IGF2BP2: variants seen among roughly 807,000 people sequenced by gnomAD.
The protein encoded by IGF2BP2 is insulin like growth factor 2 mRNA binding protein 2, also known as insulin-like growth factor 2 mRNA-binding protein 2.
Under a neutral mutation model 75.8 loss-of-function variants are expected in IGF2BP2, and 17 were observed. That is an observed-to-expected ratio of 0.22 (90% CI 0.15 to 0.34). IGF2BP2 has a LOEUF of 0.34. IGF2BP2 is among the 10% of genes least tolerant of loss of function. IGF2BP2 has a pLI of 1.00. For missense variants in IGF2BP2, 516 were observed against 772.4 expected (o/e 0.67, Z 3.93); for synonymous variants, 288 against 295.6 (o/e 0.97, Z 0.26).
chr3:185,806,276 CAA>C (rs942154951), intron 2 of IGF2BP2, among the ~76,000 whole-genome samples: 2 of 152,072 alleles, frequency 1.3e-5, no homozygotes, highest in African/African-American at 4.8e-5. Flanking sequence ...TAAGAGCACA[CAA>C]AAGAGGTGGG....
chr3:185,698,704 C>A (rs887599381), intron 2 of IGF2BP2, among the ~76,000 whole-genome samples: 6 of 152,156 alleles, frequency 3.9e-5, no homozygotes, highest in African/African-American at 1.4e-4. Context: ...TCTTGGCTCA[C>A]TGCAACCTCT....
intron 2 of IGF2BP2, among the ~76,000 whole-genome samples, chr3:185,788,072 G>C (rs1736131588): frequency 6.6e-6 from 1 of 152,164 alleles, no homozygotes; most frequent in African/African-American, 2.4e-5. Context: ...TTTCATCAAA[G>C]TACCCTCTGT....
intron 2 of IGF2BP2, among the ~76,000 whole-genome samples, chr3:185,763,476 T>G (rs977445901): frequency 1.3e-5 from 2 of 152,206 alleles, no homozygotes; most frequent in Non-Finnish European, 2.9e-5. Context: ...TGTTTGTTAC[T>G]ATGGTTTGTG....
chr3:185,805,170 T>C (rs756692997), intron 2 of IGF2BP2, among the ~76,000 whole-genome samples: 4 of 152,054 alleles, frequency 2.6e-5, no homozygotes, highest in Non-Finnish European at 5.9e-5. Context: ...GAAGTATTTC[T>C]GAAAATCCAG....
intron 2 of IGF2BP2, among the ~76,000 whole-genome samples, chr3:185,815,769 C>T (rs536948738): frequency 2.4e-4 from 37 of 152,058 alleles, no homozygotes; most frequent in Non-Finnish European, 4.9e-4. Flanking sequence ...TCCCTCCCAC[C>T]AGCACCATAA....
At chr3:185,726,326 A>G (rs548951751) in intron 2 of IGF2BP2, among the ~76,000 whole-genome samples, 1 of 152,314 alleles carries the variant, frequency 6.6e-6, no homozygotes, top group South Asian at 2.1e-4. Flanking sequence ...AACAAGACAC[A>G]CAAACTGGGG....
chr3:185,780,244 G>A (rs1363050301), intron 2 of IGF2BP2, among the ~76,000 whole-genome samples: 1 of 152,210 alleles, frequency 6.6e-6, no homozygotes, highest in Non-Finnish European at 1.5e-5. Context: ...AGGAAATAGT[G>A]GTTACAACTG....
intron 6 of IGF2BP2, 29 bp downstream of exon 6, chr3:185,689,326 G>A: frequency 6.2e-7 from 1 of 1,603,838 alleles, no homozygotes; most frequent in South Asian, 1.1e-5. Context: ...CCCTCAGAAG[G>A]AAGCAAAGGA....
At chr3:185,822,077 C>T (rs1741443843) in intron 2 of IGF2BP2, among the ~76,000 whole-genome samples, 1 of 151,964 alleles carries the variant, frequency 6.6e-6, no homozygotes, top group Non-Finnish European at 1.5e-5. Context: ...TATTCTGTTG[C>T]TTACTTAAAA....
chr3:185,677,026 G>T (rs12488317), intron 7 of IGF2BP2, among the ~76,000 whole-genome samples: 49,079 of 80,762 alleles, frequency 0.61, 14,734 homozygotes, highest in East Asian at 0.76. Context: ...TATGGAGAGA[G>T]ATATATATAT....
At chr3:185,665,342 AGAAGGAGGAGGAGGAGAAGG>A (rs1717236758) in intron 10 of IGF2BP2, among the ~76,000 whole-genome samples, 3 of 126,840 alleles carry the variant, frequency 2.4e-5, no homozygotes, top group African/African-American at 6.2e-5. Flanking sequence ...GAGGAGGAGG[AGAAGGAGGAGGAGGAGAAGG>A]AGGAGGAGGA....
At chr3:185,666,823 A>G (rs1577886587) in intron 10 of IGF2BP2, among the ~76,000 whole-genome samples, 2 of 152,342 alleles carry the variant, frequency 1.3e-5, no homozygotes, top group South Asian at 4.1e-4. Flanking sequence ...TTAAAAACTT[A>G]TAAGAAATTG....
intron 2 of IGF2BP2, among the ~76,000 whole-genome samples, chr3:185,759,498 G>A (rs993257484): frequency 1.3e-5 from 2 of 152,184 alleles, no homozygotes; most frequent in Non-Finnish European, 2.9e-5. Flanking sequence ...AGAGAAAGGA[G>A]AATCAGGAGA....
At chr3:185,683,644 G>A (rs556123675) in intron 7 of IGF2BP2, among the ~76,000 whole-genome samples, 2 of 152,220 alleles carry the variant, frequency 1.3e-5, no homozygotes, top group South Asian at 2.1e-4. Flanking sequence ...CCTGACTCAA[G>A]TGATCCACCT....
chr3:185,766,832 C>T (rs1733145551), intron 2 of IGF2BP2, among the ~76,000 whole-genome samples: 3 of 152,216 alleles, frequency 2.0e-5, no homozygotes, highest in African/African-American at 4.8e-5. Flanking sequence ...TGAAAGTGGA[C>T]TTGCCCAAGG....
At chr3:185,685,920 A>G (rs1721062381) in intron 7 of IGF2BP2, among the ~76,000 whole-genome samples, 1 of 152,242 alleles carries the variant, frequency 6.6e-6, no homozygotes, top group Non-Finnish European at 1.5e-5. Flanking sequence ...CTGAGATTAT[A>G]GGTATGAGCC....
chr3:185,804,817 G>A (rs1239845244), intron 2 of IGF2BP2, among the ~76,000 whole-genome samples: 2 of 151,582 alleles, frequency 1.3e-5, no homozygotes, highest in Non-Finnish European at 2.9e-5. Context: ...GTGAAACCCC[G>A]TCTCTACCAA....
Position 185,645,215 on chromosome 3 carries a change from A to G in IGF2BP2, c.*316T>C. On this transcript the variant is annotated 3_prime_UTR_variant, in exon 16 of 16. Transcript: ENST00000382199. This position sits in a 1 kb window ranked among gnomAD's most constrained non-coding sequence, Gnocchi z 4.9. The stretch of plus-strand genomic sequence containing the variant: ...GAACACGTTCACCTATGTTAGTTCA[A>G]CTAAAAGGGATAGCGTCGTGGGAGT... 2.6e-6 allele frequency: 1 copy of G among 384,542 alleles called. No homozygotes were observed. Among genetic ancestry groups the G allele is most frequent in the Non-Finnish European group, 4.8e-6 (1 of 209,420 alleles). The allele number at this position is 384,542 out of a possible 1,614,324, so 23.8% of individuals were successfully genotyped here. A position where few individuals can be genotyped will look rare whatever the true frequency, so the allele number is the denominator to read the frequency against.
intron 10 of IGF2BP2, among the ~76,000 whole-genome samples, chr3:185,660,787 T>C (rs1716312655): frequency 6.6e-6 from 1 of 152,222 alleles, no homozygotes; most frequent in Non-Finnish European, 1.5e-5. Context: ...GGAGAATTCA[T>C]GCAACTCTTC....
Sources: allele counts gnomAD v4.1 joint callset (sites outside exome capture counted in the v4.1 genomes callset), GRCh38; gene constraint gnomAD v4.1.1; non-coding constraint Gnocchi (gnomAD v3.1); transcripts MANE v1.5; gene names NCBI Gene and HGNC (gene_info 2026-07-23, HGNC 2026-07-21).